Variants in GRM7 observed in about 807,000 individuals in gnomAD.
GRM7 encodes the protein glutamate metabotropic receptor 7.
GRM7 carries 35 observed loss-of-function variants against 84.5 expected under a neutral mutation model. That is an observed-to-expected ratio of 0.41 (90% CI 0.32 to 0.55). The LOEUF (loss-of-function observed/expected upper bound fraction) is 0.55, where lower values mean the gene tolerates loss of function less well. Among genes scored for constraint, GRM7 ranks in the 20% least tolerant of loss-of-function variants. GRM7 has a pLI of 0.19. For missense variants in GRM7, 1,003 were observed against 1,194.6 expected, an observed-to-expected ratio of 0.84 and a Z score of 2.36; for synonymous variants, 487 against 455.1, an observed-to-expected ratio of 1.07 and a Z score of -0.89.
intron 7 of GRM7, among the ~76,000 whole-genome samples, chr3:7,574,648 T>A (rs1249192018): frequency 7.2e-5 from 11 of 152,242 alleles, no homozygotes; most frequent in Admixed American, 7.2e-4. Context: ...TCCTTGAATG[T>A]CTTGCTCATA....
At chr3:7,540,897 G>A (rs1692842112) in intron 7 of GRM7, among the ~76,000 whole-genome samples, 1 of 152,082 alleles carries the variant, frequency 6.6e-6, no homozygotes, top group Non-Finnish European at 1.5e-5. Flanking sequence ...GATAGGTATA[G>A]GCAAGGGCAT....
chr3:6,926,056 C>A (rs530647889), intron 1 of GRM7, among the ~76,000 whole-genome samples: 6 of 151,952 alleles, frequency 3.9e-5, no homozygotes, highest in Non-Finnish European at 8.8e-5. Flanking sequence ...GAAAGAGGGA[C>A]CCCCCAAAAC....
At chr3:7,419,497 ATCT>A (rs1696309542) in intron 5 of GRM7, among the ~76,000 whole-genome samples, 2 of 152,164 alleles carry the variant, frequency 1.3e-5, no homozygotes, top group African/African-American at 4.8e-5. Flanking sequence ...ACATTTGCTC[ATCT>A]TCTTCCGAGA....
At chr3:7,676,695 A>G (rs1488679253) in intron 8 of GRM7, among the ~76,000 whole-genome samples, 4 of 152,002 alleles carry the variant, frequency 2.6e-5, no homozygotes, top group African/African-American at 9.7e-5. Flanking sequence ...CGGCCTCCCA[A>G]AGTGCTAGGA....
At chr3:7,180,268 T>G (rs1695291670) in intron 2 of GRM7, among the ~76,000 whole-genome samples, 1 of 152,144 alleles carries the variant, frequency 6.6e-6, no homozygotes, top group African/African-American at 2.4e-5. Flanking sequence ...GTGCTAAAAT[T>G]TTGGCCAGGA....
chr3:7,089,417 T>G (rs1698584752), intron 1 of GRM7, among the ~76,000 whole-genome samples: 1 of 152,178 alleles, frequency 6.6e-6, no homozygotes, highest in African/African-American at 2.4e-5. Context: ...CCAAACATAC[T>G]GTAAAGGGAT....
chr3:6,944,295 T>C (rs996924218), intron 1 of GRM7, among the ~76,000 whole-genome samples: 1 of 152,162 alleles, frequency 6.6e-6, no homozygotes, highest in African/African-American at 2.4e-5. Context: ...TTACTAAGTA[T>C]GTTGTTAACC....
chr3:7,722,422 C>A (rs533006058), intron 9 of GRM7, among the ~76,000 whole-genome samples: 260 of 149,380 alleles, frequency 1.7e-3, no homozygotes, highest in African/African-American at 5.9e-3. Context: ...CAGGGTCATA[C>A]AGCTGAATGG....
intron 6 of GRM7, among the ~76,000 whole-genome samples, chr3:7,457,518 T>C (rs930057494): frequency 6.6e-6 from 1 of 152,320 alleles, no homozygotes; most frequent in Non-Finnish European, 1.5e-5. Flanking sequence ...ATCTGAAGCA[T>C]GTCTGTACTT....
At chr3:7,039,618 A>T (rs2124939100) in intron 1 of GRM7, among the ~76,000 whole-genome samples, 1 of 152,202 alleles carries the variant, frequency 6.6e-6, no homozygotes, top group East Asian at 1.9e-4. Context: ...AAATCAGAGG[A>T]CCCATAATTT....
Position 6,978,474 on chromosome 3 carries a change from G to A in GRM7, c.519+116567G>A, listed in dbSNP as rs1694079177. 2.0e-5 allele frequency among the ~76,000 whole-genome samples: 3 copies of A among 152,086 alleles called. No homozygotes were observed. The South Asian group carries it at 6.2e-4, about 32-fold the overall frequency. ...TATAGCAAGGGCACTGGAAATTATT[G>A]TTTTAGTACTTCCCCCCCATTTGAT... On this transcript the variant is annotated intron_variant, in intron 1 of 9. Coordinates refer to ENST00000357716, the MANE Select transcript of GRM7 (RefSeq NM_000844.4).
At position 6,862,821 on chromosome 3, in the gene GRM7, T is replaced by C. The variant is rs1450418389; in HGVS notation, c.519+914T>C. 6.7e-6 allele frequency: 2 copies of C among 297,748 alleles called. No homozygotes were observed. Among genetic ancestry groups the C allele is most frequent in the Non-Finnish European group, 1.3e-5 (2 of 148,946 alleles). The allele number at this position is 297,748 out of a possible 1,614,324, so 18.4% of individuals were successfully genotyped here. On this transcript the variant is annotated intron_variant, in intron 1 of 9. Coordinates refer to ENST00000357716, the MANE Select transcript of GRM7 (RefSeq NM_000844.4). This position sits in a 1 kb window ranked among gnomAD's most constrained non-coding sequence, Gnocchi z 5.2. ...CCGGAGCGAGGCATGAAGGCGCCCG[T>C]TGGGAGGCAGAGGGGTGCGTGAAGC...
chr3:6,885,541 T>G (rs1009427006), intron 1 of GRM7, among the ~76,000 whole-genome samples: 5 of 152,196 alleles, frequency 3.3e-5, no homozygotes, highest in African/African-American at 1.2e-4. Flanking sequence ...GTCCATCATT[T>G]GGTCAGGTAT....
Position 6,861,957 on chromosome 3 carries a change from C to A in GRM7, c.519+50C>A. On this transcript the variant is annotated intron_variant, in intron 1 of 9. Coordinates refer to ENST00000357716, the MANE Select transcript of GRM7 (RefSeq NM_000844.4). This position sits in a 1 kb window ranked among gnomAD's most constrained non-coding sequence, Gnocchi z 6.4. ...GGAGCACACAGTGGCTACCTGCGCC[C>A]TTAACCCTAAAAGCTGGCTTGGACT... 1 of 1,499,666 alleles carries A rather than the reference C, an allele frequency of 6.7e-7. No homozygotes were observed. Among genetic ancestry groups the A allele is most frequent in the Non-Finnish European group, 9.1e-7 (1 of 1,099,278 alleles). The allele number at this position is 1,499,666 out of a possible 1,614,324, so 92.9% of individuals were successfully genotyped here.
intron 8 of GRM7, among the ~76,000 whole-genome samples, chr3:7,631,273 G>A (rs3804864): frequency 0.7 from 106,623 of 151,672 alleles, 37,730 homozygotes; most frequent in South Asian, 0.79. Flanking sequence ...CTTTGTAAAA[G>A]ATAAAGATTC....
At chr3:6,881,737 A>G (rs1695517395) in intron 1 of GRM7, among the ~76,000 whole-genome samples, 1 of 152,198 alleles carries the variant, frequency 6.6e-6, no homozygotes, top group African/African-American at 2.4e-5. Flanking sequence ...ATACATTCTT[A>G]TAAAATTTCT....
chr3:7,066,547 C>CA, intron 1 of GRM7, among the ~76,000 whole-genome samples: 1 of 151,786 alleles, frequency 6.6e-6, no homozygotes, highest in African/African-American at 2.4e-5. Flanking sequence ...TTACCAACAA[C>CA]AAAAAAAGTC....
intron 5 of GRM7, among the ~76,000 whole-genome samples, chr3:7,436,858 A>C (rs1697076873): frequency 6.6e-6 from 1 of 152,172 alleles, no homozygotes; most frequent in Non-Finnish European, 1.5e-5. Context: ...GCTTGCAGAA[A>C]TACCCCTTAT....
At chr3:7,665,554 G>A (rs1166252801) in intron 8 of GRM7, among the ~76,000 whole-genome samples, 1 of 152,146 alleles carries the variant, frequency 6.6e-6, no homozygotes, top group African/African-American at 2.4e-5. Context: ...TAAAGAATCA[G>A]AATTTTCTTG....
Sources: gnomAD v4.1 joint callset for allele counts (sites outside exome capture counted in the v4.1 genomes callset) on GRCh38, gnomAD v4.1.1 for gene constraint, Gnocchi (gnomAD v3.1) non-coding constraint, MANE v1.5 for transcripts, NCBI Gene and HGNC (gene_info 2026-07-23, HGNC 2026-07-21) for gene names.